Variants in DSCAML1 observed in about 807,000 individuals in gnomAD.
DSCAML1 encodes cell adhesion molecule DSCAML1.
A neutral mutation model predicts 200.5 loss-of-function variants in DSCAML1; 38 were observed. That is an observed-to-expected ratio of 0.19 (90% CI 0.15 to 0.25). DSCAML1 has a LOEUF of 0.25. Ranked by LOEUF, DSCAML1 falls within the 10% of genes least tolerant of loss-of-function variation. DSCAML1 has a pLI of 1.00. For missense variants in DSCAML1, 2,223 were observed against 2,858.8 expected (o/e 0.78, Z 5.07); for synonymous variants, 1,215 against 1,165.0 (o/e 1.04, Z -0.87).
At chr11:117,812,301 C>T (rs538350375) in intron 1 of DSCAML1, among the ~76,000 whole-genome samples, 1 of 152,156 alleles carries the variant, frequency 6.6e-6, no homozygotes, top group Admixed American at 6.5e-5. Context: ...TGCCTGTTAT[C>T]ACTCGCCTGC....
In DSCAML1 at chr11:117,767,060, C is replaced by T. The variant is rs12418029; in HGVS notation, c.511+9731G>A. Among the ~76,000 whole-genome samples the T allele has an allele frequency of 5.2e-3, 788 of 152,248 alleles. 28 individuals carry two copies. The highest frequency in any genetic ancestry group is 0.047 in the Admixed American group (723 of 15,286). ...CCTTGTCTGTTAAACCTGTGTCTCC[C>T]GCAGATGTGTTTGGGAGGATTCAGT... On this transcript the variant is annotated intron_variant, in intron 3 of 32. Transcript: ENST00000651296.
intron 8 of DSCAML1, among the ~76,000 whole-genome samples, chr11:117,512,892 A>C (rs2049671616): frequency 6.6e-6 from 1 of 151,852 alleles, no homozygotes; most frequent in Non-Finnish European, 1.5e-5. Flanking sequence ...CGAGTCGCCG[A>C]GACGGAATGC....
chr11:117,672,833 G>C (rs967011336), intron 3 of DSCAML1, among the ~76,000 whole-genome samples: 1 of 152,218 alleles, frequency 6.6e-6, no homozygotes, highest in Admixed American at 6.5e-5. Context: ...TGCAGGATGA[G>C]TGCCTTTTAT....
chr11:117,581,039 G>GGTAGA (rs1468462585), intron 3 of DSCAML1, among the ~76,000 whole-genome samples: 5 of 152,314 alleles, frequency 3.3e-5, no homozygotes, highest in Admixed American at 3.3e-4. Flanking sequence ...GAGCCAACGA[G>GGTAGA]GTAGAATGTT....
At chr11:117,744,801 G>A (rs1047685472) in intron 3 of DSCAML1, among the ~76,000 whole-genome samples, 2 of 152,248 alleles carry the variant, frequency 1.3e-5, no homozygotes, top group East Asian at 3.8e-4. Context: ...GACCACAGGG[G>A]GCACAGAAGG....
intron 3 of DSCAML1, among the ~76,000 whole-genome samples, chr11:117,677,093 G>A (rs2053229206): frequency 6.6e-6 from 1 of 152,200 alleles, no homozygotes; most frequent in Admixed American, 6.5e-5. Context: ...CCAAGTCTTA[G>A]GTTTGAATCT....
In DSCAML1 at chr11:117,525,461, C is replaced by CT. The variant is rs979956454; in HGVS notation, c.659-379dup. ...CTTTCCCACGGAGAGTCCCTGGCTT[C>CT]TTTTTTTTTTTTTGAAATGGAGTCT... On this transcript the variant is annotated intron_variant, in intron 4 of 32. Coordinates refer to ENST00000651296, the MANE Select transcript of DSCAML1 (RefSeq NM_020693.4). Among the ~76,000 whole-genome samples, 171 of 144,096 alleles carry CT rather than the reference C, an allele frequency of 1.2e-3. 1 individual carries two copies. The highest frequency in any genetic ancestry group is 2.3e-3 in the Admixed American group (33 of 14,464). The allele number at this position is 144,096 out of a possible 152,430, so 94.5% of individuals were successfully genotyped here.
At chr11:117,720,731 G>A (rs1482088539) in intron 3 of DSCAML1, among the ~76,000 whole-genome samples, 1 of 152,208 alleles carries the variant, frequency 6.6e-6, no homozygotes, top group African/African-American at 2.4e-5. Context: ...GTAAAATGGT[G>A]CACAGCAATA....
intron 4 of DSCAML1, among the ~76,000 whole-genome samples, chr11:117,529,617 A>G (rs1435109866): frequency 6.6e-6 from 1 of 151,814 alleles, no homozygotes; most frequent in Admixed American, 6.6e-5. Context: ...TGCTGAAGAG[A>G]CCACAAATGT....
intron 3 of DSCAML1, among the ~76,000 whole-genome samples, chr11:117,630,849 G>A (rs929111956): frequency 6.6e-6 from 1 of 151,944 alleles, no homozygotes. Context: ...TTCAAAGCCC[G>A]GCTCCGATAC....
chr11:117,443,767 C>A, intron 21 of DSCAML1, 119 bp downstream of exon 21: 1 of 1,422,078 alleles, frequency 7.0e-7, no homozygotes, highest in Non-Finnish European at 9.4e-7. Flanking sequence ...TGGCCAGTTC[C>A]TCACAGCTGG....
intron 3 of DSCAML1, among the ~76,000 whole-genome samples, chr11:117,773,942 C>T (rs1180521258): frequency 1.3e-5 from 2 of 152,216 alleles, no homozygotes; most frequent in Non-Finnish European, 2.9e-5. Flanking sequence ...AGATTAGCAT[C>T]GAGGCCACTT....
At chr11:117,539,119 A>C (rs536890235) in intron 3 of DSCAML1, among the ~76,000 whole-genome samples, 8 of 152,004 alleles carry the variant, frequency 5.3e-5, no homozygotes, top group Non-Finnish European at 8.8e-5. Flanking sequence ...ATTTCCCAAA[A>C]CTCTACGGCA....
At chr11:117,714,974 T>C (rs2053925211) in intron 3 of DSCAML1, among the ~76,000 whole-genome samples, 1 of 151,906 alleles carries the variant, frequency 6.6e-6, no homozygotes, top group African/African-American at 2.4e-5. Context: ...TACTCTGCCA[T>C]CCACATGGGC....
rs557635657 is a variant in DSCAML1, at chr11:117,451,552, G to A, written c.3569-864C>T. ...GCTAATTAAAGTACTGGGCAGGTGC[G>A]GTGGCTCATGCCTGTAATCCCAGCA... On this transcript the variant is annotated intron_variant, in intron 19 of 32. Coordinates refer to ENST00000651296, the MANE Select transcript of DSCAML1 (RefSeq NM_020693.4). Among the ~76,000 whole-genome samples the A allele has an allele frequency of 8.5e-5, 13 of 152,316 alleles. No individual in the cohort carries two copies. In the South Asian group the frequency reaches 1.0e-3, roughly 12 times the overall value.
At chr11:117,494,885 C>T (rs1168522387) in intron 11 of DSCAML1, among the ~76,000 whole-genome samples, 2 of 152,182 alleles carry the variant, frequency 1.3e-5, no homozygotes, top group Admixed American at 6.5e-5. Flanking sequence ...CTGCTGGCAA[C>T]CACCAGAAGA....
chr11:117,542,681 G>A (rs1197638882), intron 3 of DSCAML1, among the ~76,000 whole-genome samples: 1 of 152,266 alleles, frequency 6.6e-6, no homozygotes, highest in African/African-American at 2.4e-5. Flanking sequence ...GGGCACCCAT[G>A]TGCTGAAATG....
intron 3 of DSCAML1, among the ~76,000 whole-genome samples, chr11:117,674,191 T>C (rs1379089815): frequency 6.6e-6 from 1 of 152,236 alleles, no homozygotes; most frequent in Non-Finnish European, 1.5e-5. Context: ...GGTTCTGTCC[T>C]ATTTTCTCAT....
At chr11:117,777,556 G>T (rs1026204130) in intron 2 of DSCAML1, among the ~76,000 whole-genome samples, 1 of 152,194 alleles carries the variant, frequency 6.6e-6, no homozygotes, top group South Asian at 2.1e-4. Flanking sequence ...TTGGGACTAC[G>T]ATTGTCTCTG....
Sources: gnomAD v4.1 joint callset for allele counts (sites outside exome capture counted in the v4.1 genomes callset) on GRCh38, gnomAD v4.1.1 for gene constraint, MANE v1.5 for transcripts, NCBI Gene and HGNC (gene_info 2026-07-23, HGNC 2026-07-21) for gene names.